Variants in PCDHGA7 observed in about 807,000 individuals in gnomAD.
The protein encoded by PCDHGA7 is protocadherin gamma-A7.
Under a neutral mutation model 58.3 loss-of-function variants are expected in PCDHGA7, and 44 were observed. The observed-to-expected ratio is 0.75, with a 90% CI of 0.59 to 0.97. PCDHGA7 has a LOEUF of 0.97. Ranked by LOEUF, PCDHGA7 falls within the 50% of genes least tolerant of loss-of-function variation. The probability of loss-of-function intolerance (pLI) is 0.00; values close to 1 mark genes in which losing one functional copy is unlikely to be tolerated. For synonymous variants in PCDHGA7, 516 were observed against 504.2 expected, an observed-to-expected ratio of 1.02 and a Z score of -0.31; for missense variants, 1,266 against 1,188.7, an observed-to-expected ratio of 1.06 and a Z score of -0.96.
intron 1 of PCDHGA7, among the ~76,000 whole-genome samples, chr5:141,448,931 C>G (rs966398044): frequency 1.3e-5 from 2 of 152,040 alleles, no homozygotes; most frequent in African/African-American, 4.8e-5. Context: ...GGCGACAGAG[C>G]AAGACTGCAA....
rs1330659052 is a variant in PCDHGA7, at chr5:141,490,012, G to T, written c.2425-4795G>T. On this transcript the variant is annotated intron_variant, in intron 1 of 3. Transcript: ENST00000518325. The surrounding 1 kb of genome is among the most constrained non-coding windows in gnomAD (Gnocchi z 5.4). ...GGGAATCCCAGAGAATGCACCCATT[G>T]GTACTCTGCTGCTCCGCCTCAATGC... The T allele has an allele frequency of 1.2e-6, 2 of 1,614,232 alleles. No homozygotes were observed. Among genetic ancestry groups the T allele is most frequent in the East Asian group, 4.5e-5 (2 of 44,888 alleles).
Position 141,432,405 on chromosome 5 carries a change from GC to G in PCDHGA7, c.2424+47084del. On this transcript the variant is annotated intron_variant, in intron 1 of 3. Coordinates refer to ENST00000518325, the MANE Select transcript of PCDHGA7 (RefSeq NM_018920.4). This position sits in a 1 kb window ranked among gnomAD's most constrained non-coding sequence, Gnocchi z 6.0. ...CCCCTCAGCAGCAACGTGTCGTTGA[GC>G]CTGTTCGTGCTGGACCAGAACGACA... The G allele has an allele frequency of 6.2e-7, 1 of 1,614,246 alleles. No individual in the cohort carries two copies. Among genetic ancestry groups the G allele is most frequent in the South Asian group, 1.1e-5 (1 of 91,084 alleles).
chr5:141,469,103 C>A (rs949254605), intron 1 of PCDHGA7, among the ~76,000 whole-genome samples: 2 of 151,844 alleles, frequency 1.3e-5, no homozygotes, highest in African/African-American at 2.4e-5. Context: ...AAAGCAAGAA[C>A]CTGTCTCTAA....
chr5:141,468,330 C>CAAAAAAAAAAA (rs533390277), intron 1 of PCDHGA7: 4 of 79,798 alleles, frequency 5.0e-5, no homozygotes, highest in Non-Finnish European at 1.1e-4. Flanking sequence ...AACTCCATCT[C>CAAAAAAAAAAA]AAAAAAAAAA....
chr5:141,393,450 A>G, intron 1 of PCDHGA7: 1 of 1,614,028 alleles, frequency 6.2e-7, no homozygotes, highest in Non-Finnish European at 8.5e-7. Context: ...CCTGGTCCTC[A>G]CGGCCTCGGA....
Position 141,490,924 on chromosome 5 carries a change from C to A in PCDHGA7, c.2425-3883C>A. 1 of 1,613,680 alleles carries A rather than the reference C, an allele frequency of 6.2e-7. No individual in the cohort carries two copies. Among genetic ancestry groups the A allele is most frequent in the Non-Finnish European group, 8.5e-7 (1 of 1,179,694 alleles). On this transcript the variant is annotated intron_variant, in intron 1 of 3. Coordinates refer to ENST00000518325, the MANE Select transcript of PCDHGA7 (RefSeq NM_018920.4). The surrounding 1 kb of genome is among the most constrained non-coding windows in gnomAD (Gnocchi z 5.4). ...TGTCCTAGACGAGAATGATAATGCC[C>A]CAGCTGTGCTGCACCCACGGCCAGA...
chr5:141,431,237 C>A lies in PCDHGA7; in HGVS notation c.2424+45914C>A. 1 of 1,614,170 alleles carries A rather than the reference C, an allele frequency of 6.2e-7. No homozygotes were observed. Among genetic ancestry groups the A allele is most frequent in the Non-Finnish European group, 8.5e-7 (1 of 1,180,044 alleles). The stretch of plus-strand genomic sequence containing the variant: ...GTTCCCTCTACCCCACGCCTGGGAT[C>A]CGGATATCGGGAAGAACTCTCTGCA... On this transcript the variant is annotated intron_variant, in intron 1 of 3. Transcript: ENST00000518325. The surrounding 1 kb of genome is among the most constrained non-coding windows in gnomAD (Gnocchi z 4.8).
At chr5:141,394,769 C>A in intron 1 of PCDHGA7, 1 of 1,613,514 alleles carries the variant, frequency 6.2e-7, no homozygotes, top group African/African-American at 1.3e-5. Context: ...ATGGCCAGCC[C>A]CCTCTCTCCG....
At chr5:141,422,604 T>C in intron 1 of PCDHGA7, 1 of 1,614,030 alleles carries the variant, frequency 6.2e-7, no homozygotes, top group Non-Finnish European at 8.5e-7. Flanking sequence ...CCTCTTACTC[T>C]GCCTACATTC....
At chr5:141,418,815 T>A in intron 1 of PCDHGA7, 1 of 1,613,864 alleles carries the variant, frequency 6.2e-7, no homozygotes, top group East Asian at 2.2e-5. Flanking sequence ...ACGATAAACA[T>A]AGAAGCAAAA....
In PCDHGA7 at chr5:141,423,562, A is replaced by G. The variant is rs374427537; in HGVS notation, c.2424+38239A>G. On this transcript the variant is annotated intron_variant, in intron 1 of 3. Coordinates refer to ENST00000518325, the MANE Select transcript of PCDHGA7 (RefSeq NM_018920.4). ...TTTCCCCCAGCCCAACTATGGGGAC[A>G]CGCTCATCAGCCAGGAGAGCTGTGA... is the stretch of plus-strand genomic sequence containing the variant. 7 of 1,613,498 alleles carry G rather than the reference A, an allele frequency of 4.3e-6. No homozygotes were observed. The African/African-American group carries it at 8.0e-5, about 18-fold the overall frequency.
chr5:141,473,988 G>A (rs1006988447), intron 1 of PCDHGA7, among the ~76,000 whole-genome samples: 1 of 152,118 alleles, frequency 6.6e-6, no homozygotes, highest in African/African-American at 2.4e-5. Flanking sequence ...AGGATCCCTT[G>A]AGCCCAAGGA....
chr5:141,420,845 G>T (rs1038454602), intron 1 of PCDHGA7, among the ~76,000 whole-genome samples: 4 of 152,200 alleles, frequency 2.6e-5, no homozygotes, highest in Non-Finnish European at 4.4e-5. Context: ...GGTGTTCTTG[G>T]TAAAGTTTTA....
chr5:141,501,331 A>T (rs1024837974), intron 2 of PCDHGA7, among the ~76,000 whole-genome samples: 2 of 138,846 alleles, frequency 1.4e-5, no homozygotes, highest in Non-Finnish European at 1.6e-5. Flanking sequence ...ACACACACAC[A>T]CACCCCAAAC....
chr5:141,415,177 G>C, intron 1 of PCDHGA7: 3 of 1,613,926 alleles, frequency 1.9e-6, no homozygotes, highest in Non-Finnish European at 2.5e-6. Context: ...CACCGTGGCC[G>C]TGGCCGACAG....
rs758066525 is a variant in PCDHGA7, at chr5:141,477,331, T to C, written c.2425-17476T>C. The C allele has an allele frequency of 7.4e-6, 12 of 1,614,024 alleles. No individual in the cohort carries two copies. In the East Asian group the frequency reaches 1.1e-4, roughly 15 times the overall value. Reference sequence around the variant, plus strand: ...TCAGCCTTACTTCTTCCCTCAAGAATTACTTCACTTTGAAAACCAGTGCAG... The same window carrying C: ...TCAGCCTTACTTCTTCCCTCAAGAACTACTTCACTTTGAAAACCAGTGCAG... On this transcript the variant is annotated intron_variant, in intron 1 of 3. Coordinates refer to ENST00000518325, the MANE Select transcript of PCDHGA7 (RefSeq NM_018920.4). This position sits in a 1 kb window ranked among gnomAD's most constrained non-coding sequence, Gnocchi z 4.9.
chr5:141,408,877 C>T (rs1476847671), intron 1 of PCDHGA7: 4 of 1,613,308 alleles, frequency 2.5e-6, no homozygotes, highest in Admixed American at 3.3e-5. Flanking sequence ...GAAGTGCCAC[C>T]GCTCACATAG....
At chr5:141,463,296 C>T (rs1194250577) in intron 1 of PCDHGA7, among the ~76,000 whole-genome samples, 1 of 151,986 alleles carries the variant, frequency 6.6e-6, no homozygotes, top group African/African-American at 2.4e-5. Flanking sequence ...CTCCTAATCT[C>T]CCCAAACTCT....
intron 1 of PCDHGA7, chr5:141,423,252 C>T (rs2096724826): frequency 1.2e-6 from 2 of 1,613,802 alleles, no homozygotes; most frequent in South Asian, 2.2e-5. Context: ...TCCTGGCGGA[C>T]CTCGGCAGCC....
Sources: allele counts gnomAD v4.1 joint callset (sites outside exome capture counted in the v4.1 genomes callset), GRCh38; gene constraint gnomAD v4.1.1; non-coding constraint Gnocchi (gnomAD v3.1); transcripts MANE v1.5; gene names NCBI Gene and HGNC (gene_info 2026-07-23, HGNC 2026-07-21).